Variants in IGSF11 observed in about 807,000 individuals in gnomAD.
IGSF11 encodes the protein CXADR like 1.
Under a neutral mutation model 41.0 loss-of-function variants are expected in IGSF11, and 22 were observed. The ratio of observed to expected loss-of-function variants is 0.54; its 90% CI spans 0.38 to 0.77. The LOEUF is 0.77. IGSF11 is among the 30% of genes least tolerant of loss of function. The pLI, the probability that IGSF11 is intolerant of heterozygous loss-of-function variation, is 0.00. For synonymous variants in IGSF11, 219 were observed against 201.3 expected (o/e 1.09, Z -0.74); for missense variants, 444 against 530.8 (o/e 0.84, Z 1.61).
chr3:118,970,526 G>A (rs1255773309), intron 1 of IGSF11, among the ~76,000 whole-genome samples: 1 of 152,144 alleles, frequency 6.6e-6, no homozygotes, highest in Non-Finnish European at 1.5e-5. Flanking sequence ...CTGCCTTTAA[G>A]ATTATCAGAA....
intron 1 of IGSF11, chr3:118,983,293 A>C (rs1934928591): frequency 6.6e-6 from 1 of 152,186 alleles, no homozygotes; most frequent in Admixed American, 6.5e-5. Context: ...CAAATAAGGA[A>C]ACTGAGGTTC....
chr3:119,145,987 T>C (rs2107554690), exon 1 of IGSF11: 1 of 565,868 alleles, frequency 1.8e-6, no homozygotes, highest in South Asian at 2.2e-5. Context: ...GCGTACTCCC[T>C]GCGCTCGCCT....
intron 1 of IGSF11, among the ~76,000 whole-genome samples, chr3:119,001,685 T>C (rs78263578): frequency 0.34 from 48,408 of 143,550 alleles, 9,106 homozygotes; most frequent in African/African-American, 0.52. Flanking sequence ...TGTGATCTCA[T>C]TGTTCAATTC....
At chr3:119,127,183 T>A (rs1005088670) in intron 1 of IGSF11, among the ~76,000 whole-genome samples, 5 of 152,010 alleles carry the variant, frequency 3.3e-5, no homozygotes, top group African/African-American at 1.2e-4. Flanking sequence ...GAGAGGAACA[T>A]AAATGACCTG....
intron 1 of IGSF11, among the ~76,000 whole-genome samples, chr3:119,111,505 A>G (rs1019701107): frequency 6.6e-6 from 1 of 152,084 alleles, no homozygotes; most frequent in Non-Finnish European, 1.5e-5. Flanking sequence ...AATTTTTTTC[A>G]AAGTTTTCAA....
At chr3:119,043,756 A>C (rs1941211368) in intron 1 of IGSF11, among the ~76,000 whole-genome samples, 1 of 152,060 alleles carries the variant, frequency 6.6e-6, no homozygotes, top group African/African-American at 2.4e-5. Context: ...ATTCCCCAAT[A>C]CCAGACGGGA....
chr3:119,000,643 A>G (rs1380916303), intron 1 of IGSF11, among the ~76,000 whole-genome samples: 1 of 151,922 alleles, frequency 6.6e-6, no homozygotes, highest in African/African-American at 2.4e-5. Context: ...TCTGTGTCAT[A>G]CCATCATCAT....
intron 1 of IGSF11, among the ~76,000 whole-genome samples, chr3:118,992,021 T>C (rs1435504879): frequency 6.6e-6 from 1 of 152,228 alleles, no homozygotes; most frequent in Non-Finnish European, 1.5e-5. Flanking sequence ...GAACATTCAG[T>C]CCACAAACAG....
chr3:118,995,696 A>C (rs957119260), intron 1 of IGSF11, among the ~76,000 whole-genome samples: 2 of 152,116 alleles, frequency 1.3e-5, no homozygotes, highest in Admixed American at 1.3e-4. Context: ...TCTGTTGCCC[A>C]AGCTGGAGTG....
In IGSF11 at chr3:118,925,832, C is replaced by A. The variant is rs536831836; in HGVS notation, c.580+269G>T. The A allele has an allele frequency of 4.8e-5, 10 of 206,936 alleles. No individual in the cohort carries two copies. In the South Asian group the frequency reaches 1.8e-3, roughly 38 times the overall value. The allele number at this position is 206,936 out of a possible 1,614,324, so 12.8% of individuals were successfully genotyped here. ...TTATCTTACAGTTAACACAAAGAAG[C>A]TATCATTTAGGTGCTTTAAATCTTC... On this transcript the variant is annotated intron_variant, in intron 4 of 6. Transcript: ENST00000393775.
At chr3:119,138,595 G>C (rs1414150879) in intron 1 of IGSF11, among the ~76,000 whole-genome samples, 3 of 152,162 alleles carry the variant, frequency 2.0e-5, no homozygotes, top group African/African-American at 4.8e-5. Flanking sequence ...TGAGGCCTGA[G>C]AATCGCTTGA....
intron 1 of IGSF11, 63 bp downstream of exon 1, chr3:119,034,467 GC>G (rs932435764): frequency 1.4e-6 from 2 of 1,415,714 alleles, no homozygotes; most frequent in African/African-American, 3.0e-5. Flanking sequence ...TCCCCAAACA[GC>G]TTCGCCCCGG....
intron 1 of IGSF11, among the ~76,000 whole-genome samples, chr3:119,065,718 G>A (rs564006124): frequency 6.0e-5 from 9 of 151,030 alleles, no homozygotes; most frequent in Non-Finnish European, 8.8e-5. Flanking sequence ...GCTTGAATCC[G>A]GGAGGTGGAT....
upstream of IGSF11, among the ~76,000 whole-genome samples, chr3:119,108,469 C>G (rs2077076962): frequency 6.6e-6 from 1 of 150,872 alleles, no homozygotes; most frequent in Non-Finnish European, 1.5e-5. Flanking sequence ...AGTTGCTTAT[C>G]AGCTTGAGGA....
intron 1 of IGSF11, among the ~76,000 whole-genome samples, chr3:118,944,123 T>G (rs1156302630): frequency 2.0e-5 from 3 of 152,252 alleles, no homozygotes; most frequent in Non-Finnish European, 4.4e-5. Context: ...ATGTTTGTGT[T>G]AGTACTAATT....
chr3:118,983,994 C>G (rs1450915143), intron 1 of IGSF11, among the ~76,000 whole-genome samples: 1 of 152,084 alleles, frequency 6.6e-6, no homozygotes, highest in Non-Finnish European at 1.5e-5. Flanking sequence ...GAAGTCCACT[C>G]TCCTCTAGAA....
At chr3:119,000,485 C>G (rs1357734305) in intron 1 of IGSF11, among the ~76,000 whole-genome samples, 10 of 151,696 alleles carry the variant, frequency 6.6e-5, no homozygotes, top group African/African-American at 2.2e-4. Context: ...CTCTGTCCTT[C>G]CAGTTGCTAG....
chr3:118,999,704 TA>T (rs1421731625), intron 1 of IGSF11, among the ~76,000 whole-genome samples: 1 of 152,218 alleles, frequency 6.6e-6, no homozygotes, highest in African/African-American at 2.4e-5. Flanking sequence ...AATCATATAT[TA>T]AAATAAACTT....
At chr3:119,145,847 A>C in exon 1 of IGSF11, 1 of 242,250 alleles carries the variant, frequency 4.1e-6, no homozygotes, top group Non-Finnish European at 8.0e-6. Context: ...CACTGCGGAG[A>C]ACCTCTGTGA....
Sources: gnomAD v4.1 joint callset for allele counts (sites outside exome capture counted in the v4.1 genomes callset) on GRCh38, gnomAD v4.1.1 for gene constraint, MANE v1.5 for transcripts, NCBI Gene and HGNC (gene_info 2026-07-23, HGNC 2026-07-21) for gene names.